L3HYPDH: variants seen among roughly 807,000 people sequenced by gnomAD.
L3HYPDH encodes the protein trans-3-hydroxy-L-proline dehydratase.
In L3HYPDH, 32 loss-of-function variants were observed where a neutral mutation model predicts 26.5. That is an observed-to-expected ratio of 1.21 (90% CI 0.91 to 1.62). The LOEUF (loss-of-function observed/expected upper bound fraction) is 1.62, where lower values mean the gene tolerates loss of function less well. Among genes scored for constraint, L3HYPDH ranks in the 40% most tolerant of loss-of-function variants. The probability of loss-of-function intolerance (pLI) is 0.00; values close to 1 mark genes in which losing one functional copy is unlikely to be tolerated. For synonymous variants in L3HYPDH, 215 were observed against 196.6 expected (o/e 1.09, Z -0.78); for missense variants, 554 against 476.4 (o/e 1.16, Z -1.52).
At chr14:59,495,042 C>A in the L3HYPDH span, 3 of 1,613,640 alleles carry the variant, frequency 1.9e-6, no homozygotes, top group South Asian at 1.1e-5. Context: ...TCCAACACAT[C>A]ACTGCATTAT....
the L3HYPDH span, among the ~76,000 whole-genome samples, chr14:59,491,851 G>A: frequency 6.6e-6 from 1 of 152,236 alleles, no homozygotes; most frequent in African/African-American, 2.4e-5. Flanking sequence ...ACTGAATCTT[G>A]GGTAGCCTCT....
the L3HYPDH span, chr14:59,495,027 A>G: frequency 8.1e-6 from 13 of 1,613,306 alleles, no homozygotes; most frequent in Non-Finnish European, 1.1e-5. Flanking sequence ...GTTCCAGCGC[A>G]CTTTTCCAAC....
the L3HYPDH span, among the ~76,000 whole-genome samples, chr14:59,498,115 CTG>C: frequency 6.6e-6 from 1 of 151,956 alleles, no homozygotes; most frequent in African/African-American, 2.4e-5. Flanking sequence ...ATAAAATAAT[CTG>C]TAATTCTGTT....
the L3HYPDH span, chr14:59,495,251 ATTG>A: frequency 1.7e-4 from 249 of 1,447,922 alleles, no homozygotes; most frequent in African/African-American, 4.6e-4. Flanking sequence ...ACTTAAGATC[ATTG>A]TTTTTTTTTA....
rs1244662003 is a variant in L3HYPDH at position 59,484,170 on chromosome 14, G to A, written c.147C>T (p.Ala49=). 6.2e-7 allele frequency: 1 copy of A among 1,600,112 alleles called. No homozygotes were observed. Among genetic ancestry groups the A allele is most frequent in the Admixed American group, 1.7e-5 (1 of 59,930 alleles). The change falls in exon 1 of 5, where the codon GCC becomes GCT. Residue 49 remains alanine (A), a synonymous_variant. Coordinates refer to ENST00000247194, the MANE Select transcript of L3HYPDH (RefSeq NM_144581.2). The part of the protein sequence containing the change: ...CPEVSGPTLL[A]KRRYMRQHLD... ...GGTGCTGGCGCATGTAGCGCCGCTT[G>A]GCCAGCAGGGTGGGCCCAGACACCT...
chr14:59,486,907 A>G (rs1190817765), upstream of L3HYPDH: 1 of 843,490 alleles, frequency 1.2e-6, no homozygotes, highest in African/African-American at 1.7e-5. Flanking sequence ...TAATTTATAA[A>G]AGAATATGGA....
intron 2 of L3HYPDH, among the ~76,000 whole-genome samples, chr14:59,477,657 A>G (rs1032278864): frequency 1.3e-5 from 2 of 152,276 alleles, no homozygotes; most frequent in African/African-American, 4.8e-5. Context: ...AAACTGATGT[A>G]AATTCAGAGC....
At chr14:59,468,941 T>A (rs891031374), downstream of L3HYPDH, among the ~76,000 whole-genome samples, 10 of 152,118 alleles carry the variant, frequency 6.6e-5, no homozygotes, top group Non-Finnish European at 1.2e-4. Context: ...AAGTAACACA[T>A]GAGGACACTG....
chr14:59,483,487 T>C (rs960231409), intron 1 of L3HYPDH: 1 of 1,280,954 alleles, frequency 7.8e-7, no homozygotes, highest in African/African-American at 1.5e-5. Flanking sequence ...GACCCCACCG[T>C]ACCTTGCTTT....
At chr14:59,481,829 T>C (rs1453157663) in intron 1 of L3HYPDH, among the ~76,000 whole-genome samples, 1 of 152,224 alleles carries the variant, frequency 6.6e-6, no homozygotes, top group Non-Finnish European at 1.5e-5. Context: ...AGTTCTGCCA[T>C]TAGTGTGGCT....
chr14:59,471,335 A>G (rs1007028350), downstream of L3HYPDH, among the ~76,000 whole-genome samples: 1 of 152,220 alleles, frequency 6.6e-6, no homozygotes, highest in African/African-American at 2.4e-5. Context: ...GAAGTGTTGT[A>G]GGAAAATACT....
At chr14:59,494,508 T>C in the L3HYPDH span, among the ~76,000 whole-genome samples, 1 of 152,128 alleles carries the variant, frequency 6.6e-6, no homozygotes, top group African/African-American at 2.4e-5. Flanking sequence ...ACCAGAATAG[T>C]TGTGAAGCAG....
chr14:59,495,479 A>G, the L3HYPDH span, among the ~76,000 whole-genome samples: 1 of 152,146 alleles, frequency 6.6e-6, no homozygotes. Context: ...TAACTTACAT[A>G]TAGGAGGCAC....
the L3HYPDH span, among the ~76,000 whole-genome samples, chr14:59,502,773 T>TTGTTTTTTTTTTTTTTTTTTTTTTG: frequency 9.7e-6 from 1 of 102,850 alleles, no homozygotes; most frequent in Admixed American, 1.2e-4. Flanking sequence ...TTTTTTTTTT[T>TTGTTTTTTTTTTTTTTTTTTTTTTG]CGGAGTCTCA....
the L3HYPDH span, chr14:59,495,430 C>T: frequency 1.8e-5 from 9 of 513,994 alleles, no homozygotes; most frequent in Admixed American, 9.9e-5. Context: ...TATAAGGTGT[C>T]GTGAGGATTA....
downstream of L3HYPDH, among the ~76,000 whole-genome samples, chr14:59,469,895 G>GT (rs1478172585): frequency 2.0e-5 from 3 of 152,292 alleles, no homozygotes; most frequent in East Asian, 5.8e-4. Flanking sequence ...GGGAATGAAT[G>GT]TGACAATTTA....
chr14:59,484,569 A>G (rs201550789), upstream of L3HYPDH: 3,652 of 1,571,904 alleles, frequency 2.3e-3, 8 homozygotes, highest in Non-Finnish European at 3.0e-3. Flanking sequence ...GTGCTTCTCG[A>G]AAAAAACCTT....
the L3HYPDH span, chr14:59,503,883 A>G: frequency 2.5e-6 from 4 of 1,612,308 alleles, no homozygotes; most frequent in African/African-American, 2.7e-5. Flanking sequence ...TCAGAAAGAA[A>G]AGACTTATTG....
rs769166962 is a variant in L3HYPDH, at chr14:59,476,249, A to C, written c.679-35T>G. 11 of 1,434,460 alleles carry C rather than the reference A, an allele frequency of 7.7e-6. No individual in the cohort carries two copies. In the Admixed American group the frequency reaches 2.2e-4, roughly 29 times the overall value. 88.9% of individuals were successfully genotyped at this position (1,434,460 alleles called of 1,614,324 possible). A position where few individuals can be genotyped will look rare whatever the true frequency, so the allele number is the denominator to read the frequency against. On this transcript the variant is annotated intron_variant, in intron 2 of 4. Transcript: ENST00000247194. ...ACAAAAAAAGATCACATGCAAAATA[A>C]ATATTTTGATTCAAATTTATAAATA...
Sources: gnomAD v4.1 joint callset for allele counts (sites outside exome capture counted in the v4.1 genomes callset) on GRCh38, gnomAD v4.1.1 for gene constraint, MANE v1.5 for transcripts, NCBI Gene and HGNC (gene_info 2026-07-23, HGNC 2026-07-21) for gene names.